Variants in DOP1B observed in about 807,000 individuals in gnomAD.
DOP1B encodes the protein protein DOP1B.
In DOP1B, 174 loss-of-function variants were observed where a neutral mutation model predicts 233.5. The observed-to-expected ratio is 0.75, with a 90% CI of 0.66 to 0.85. The LOEUF (loss-of-function observed/expected upper bound fraction) is 0.85. Among genes scored for constraint, DOP1B ranks in the 40% least tolerant of loss-of-function variants. The pLI is 0.00. For synonymous variants in DOP1B, 1,190 were observed against 1,185.6 expected, an observed-to-expected ratio of 1.00 and a Z score of -0.08; for missense variants, 2,652 against 2,846.6, an observed-to-expected ratio of 0.93 and a Z score of 1.56.
intron 9 of DOP1B, among the ~76,000 whole-genome samples, chr21:36,217,963 T>C (rs1307937765): frequency 6.6e-6 from 1 of 152,248 alleles, no homozygotes; most frequent in Non-Finnish European, 1.5e-5. Flanking sequence ...GGTCGTATTT[T>C]CTGGAAGCAA....
At chr21:36,279,827 A>G (rs1272498878) in intron 30 of DOP1B, among the ~76,000 whole-genome samples, 2 of 152,176 alleles carry the variant, frequency 1.3e-5, no homozygotes, top group African/African-American at 4.8e-5. Context: ...TTTCTTTTAT[A>G]TGTAAACTAT....
chr21:36,289,059 T>C lies in DOP1B; in HGVS notation c.6368T>C (p.Val2123Ala). The C allele has an allele frequency of 6.2e-7, 1 of 1,611,328 alleles. No individual in the cohort carries two copies. Among genetic ancestry groups the C allele is most frequent in the Middle Eastern group, 1.7e-4 (1 of 6,054 alleles). The change falls in exon 35 of 37, where the codon GTA becomes GCA. Residue 2123 changes from valine to alanine, a missense_variant. Val to Ala is a moderately conservative substitution (Grantham distance 64). Transcript: ENST00000691173. ...EDESLRSTNKVNRTKVSVPDA... is the reference protein window; with the variant it reads ...EDESLRSTNKANRTKVSVPDA... ...CAAATTTATAGAAGCACCAACAAAG[T>C]AAACAGAACGAAAGTTTCAGTCCCG...
At chr21:36,267,625 CTTTTT>C (rs3029062) in intron 26 of DOP1B, among the ~76,000 whole-genome samples, 15 of 116,964 alleles carry the variant, frequency 1.3e-4, no homozygotes, top group Admixed American at 4.5e-4. Context: ...TGCAGTGAGA[CTTTTT>C]TTTTTTTTTT....
At chr21:36,287,143 A>G (rs751032447) in intron 32 of DOP1B, among the ~76,000 whole-genome samples, 3 of 152,140 alleles carry the variant, frequency 2.0e-5, no homozygotes, top group Non-Finnish European at 2.9e-5. Flanking sequence ...GGGGAGAAGC[A>G]GGGGAGAGTG....
chr21:36,221,605 C>G (rs566334406), intron 10 of DOP1B, among the ~76,000 whole-genome samples: 7 of 152,128 alleles, frequency 4.6e-5, no homozygotes, highest in Admixed American at 3.3e-4. Context: ...GAGACAGAGT[C>G]TTGCTCTGTT....
chr21:36,252,643 A>G (rs2067044172), intron 22 of DOP1B, among the ~76,000 whole-genome samples: 1 of 151,484 alleles, frequency 6.6e-6, no homozygotes. Flanking sequence ...CCTCCTGAGC[A>G]GCTGGGATTA....
At chr21:36,236,145 A>C (rs1392782173) in intron 15 of DOP1B, among the ~76,000 whole-genome samples, 2 of 152,266 alleles carry the variant, frequency 1.3e-5, no homozygotes, top group African/African-American at 4.8e-5. Context: ...TTAGAAATTT[A>C]GAAATTTCCC....
intron 5 of DOP1B, 137 bp from the exon 6 acceptor site, chr21:36,211,416 C>A (rs866109354): frequency 1.4e-6 from 1 of 727,098 alleles, no homozygotes; most frequent in Non-Finnish European, 2.3e-6. Context: ...AGAACCCACA[C>A]CCTCCTGACC....
intron 25 of DOP1B, 27 bp downstream of exon 25, chr21:36,263,677 G>A (rs368958043): frequency 1.4e-5 from 22 of 1,612,832 alleles, no homozygotes; most frequent in African/African-American, 2.7e-5. Context: ...TTGTCATTGT[G>A]TAATATTTTC....
Position 36,245,283 on chromosome 21 carries a change from C to A in DOP1B, c.3303C>A (p.His1101Gln). ...YYVELPDRTAHGAPDSSEHTE... is the reference protein window; with the variant it reads ...YYVELPDRTAQGAPDSSEHTE... ...TGGAGCTTCCAGACAGGACGGCCCA[C>A]GGCGCCCCGGACAGCAGCGAGCACA... Residue 1101 changes from histidine (H) to glutamine (Q), a missense_variant, in exon 19 of 37, where the codon CAC becomes CAA. Transcript: ENST00000691173. The surrounding 1 kb of genome is among the most constrained non-coding windows in gnomAD (Gnocchi z 5.5). The A allele has an allele frequency of 6.2e-7, 1 of 1,614,106 alleles. No homozygotes were observed. The highest frequency in any genetic ancestry group is 1.3e-5 in the African/African-American group (1 of 75,056).
chr21:36,211,508 A>G (rs372561085), intron 5 of DOP1B, 45 bp from the exon 6 acceptor site: 94 of 1,577,342 alleles, frequency 6.0e-5, no homozygotes, highest in Middle Eastern at 1.7e-4. Flanking sequence ...TTTTATGACC[A>G]TAAAGAGTAG....
chr21:36,191,539 A>T (rs146825639), intron 2 of DOP1B, among the ~76,000 whole-genome samples: 1 of 152,126 alleles, frequency 6.6e-6, no homozygotes, highest in Non-Finnish European at 1.5e-5. Context: ...TAATCCCAAC[A>T]CTTTGGGAGG....
intron 31 of DOP1B, among the ~76,000 whole-genome samples, chr21:36,281,067 G>T (rs1350346438): frequency 6.6e-6 from 1 of 152,202 alleles, no homozygotes; most frequent in Non-Finnish European, 1.5e-5. Context: ...ACTTTGAGTG[G>T]CTGAGGTGGG....
chr21:36,216,708 G>C (rs2066563888), intron 9 of DOP1B, among the ~76,000 whole-genome samples: 1 of 152,188 alleles, frequency 6.6e-6, no homozygotes, highest in Non-Finnish European at 1.5e-5. Context: ...TCTTCCATAG[G>C]ATTGCAAGCC....
At chr21:36,260,977 C>G in intron 24 of DOP1B, 1 of 1,239,066 alleles carries the variant, frequency 8.1e-7, no homozygotes. Flanking sequence ...TTATGTGAGG[C>G]CTGTTAAACT....
At chr21:36,285,262 G>T (rs564640748) in intron 32 of DOP1B, among the ~76,000 whole-genome samples, 194 of 152,146 alleles carry the variant, frequency 1.3e-3, no homozygotes, top group Non-Finnish European at 2.1e-3. Flanking sequence ...GTTTCACCAT[G>T]TTGGCCAGGC....
At position 36,213,256 on chromosome 21, in the gene DOP1B, C is replaced by T. The variant is rs535568793; in HGVS notation, c.905-825C>T. 4.6e-5 allele frequency among the ~76,000 whole-genome samples: 7 copies of T among 152,266 alleles called. No homozygotes were observed. The South Asian group carries it at 1.5e-3, about 32-fold the overall frequency. On this transcript the variant is annotated intron_variant, in intron 7 of 36. Coordinates refer to ENST00000691173, the MANE Select transcript of DOP1B (RefSeq NM_001320714.2). ...ATGTAAAGGATGATTTTGTCAAGGG[C>T]ACAGCTCTGCTCCTACGGGACTTGA...
chr21:36,285,904 A>G lies in DOP1B; in HGVS notation c.6161-2110A>G, dbSNP rs868363488. ...GCGCCTATAATCCCAGCTACTTGGG[A>G]GGCTGAGGCAGGAGAATTGCTTGAA... On this transcript the variant is annotated intron_variant, in intron 32 of 36. Coordinates refer to ENST00000691173, the MANE Select transcript of DOP1B (RefSeq NM_001320714.2). Among the ~76,000 whole-genome samples, 24 of 152,056 alleles carry G rather than the reference A, an allele frequency of 1.6e-4. No homozygotes were observed. The Middle Eastern group carries it at 0.01, about 65-fold the overall frequency.
Position 36,245,313 on chromosome 21 carries a change from G to T in DOP1B, c.3333G>T (p.Glu1111Asp). The T allele has an allele frequency of 6.2e-7, 1 of 1,614,112 alleles. No homozygotes were observed. The highest frequency in any genetic ancestry group is 1.1e-5 in the South Asian group (1 of 91,086). Residue 1111 changes from glutamate (E) to aspartate (D), a missense_variant, in exon 19 of 37, where the codon GAG becomes GAT. This residue lies in a region of DOP1B where 2,617 missense variants were observed against 2,794.3 expected (regional missense o/e 0.94). Coordinates refer to ENST00000691173, the MANE Select transcript of DOP1B (RefSeq NM_001320714.2). The surrounding 1 kb of genome is among the most constrained non-coding windows in gnomAD (Gnocchi z 5.5). ...HGAPDSSEHT[E>D]SADTSSCHTD... is the part of the protein sequence containing the mutation. ...CCCCGGACAGCAGCGAGCACACCGA[G>T]TCTGCAGATACAAGCTCCTGCCACA...
Sources: allele counts gnomAD v4.1 joint callset (sites outside exome capture counted in the v4.1 genomes callset), GRCh38; gene constraint gnomAD v4.1.1; regional missense constraint gnomAD v4.1.1; non-coding constraint Gnocchi (gnomAD v3.1); transcripts MANE v1.5; gene names NCBI Gene and HGNC (gene_info 2026-07-23, HGNC 2026-07-21).